The following ITGA9 variants were observed in gnomAD, a reference collection of about 807,000 sequenced individuals.
ITGA9 encodes integrin subunit alpha 9, also known as integrin alpha-9.
Under a neutral mutation model 127.8 loss-of-function variants are expected in ITGA9, and 56 were observed. That is an observed-to-expected ratio of 0.44 (90% CI 0.35 to 0.55). The LOEUF is 0.55. Among genes scored for constraint, ITGA9 ranks in the 20% least tolerant of loss-of-function variants. The pLI is 0.00. For synonymous variants in ITGA9, 508 were observed against 514.5 expected, an observed-to-expected ratio of 0.99 and a Z score of 0.17; for missense variants, 1,196 against 1,347.1, an observed-to-expected ratio of 0.89 and a Z score of 1.76.
At position 37,453,121 on chromosome 3, in the gene ITGA9, C is replaced by CGG. The variant is rs1559510371; in HGVS notation, c.185+562_185+563insGG. Among the ~76,000 whole-genome samples the CGG allele has an allele frequency of 8.5e-5, 12 of 141,160 alleles. 1 individual carries two copies. The highest frequency in any genetic ancestry group is 3.2e-4 in the African/African-American group (12 of 37,404). 92.6% of individuals were successfully genotyped at this position (141,160 alleles called of 152,430 possible). On this transcript the variant is annotated intron_variant, in intron 1 of 27. Coordinates refer to ENST00000264741, the MANE Select transcript of ITGA9 (RefSeq NM_002207.3). Reference sequence around the variant, plus strand: ...TGGAGCCCAGAGCCCCGGCGCCCCCCCCCCCCCCCAGCTCCTACAAGACCC... The same window carrying CGG: ...TGGAGCCCAGAGCCCCGGCGCCCCCCGGCCCCCCCCCAGCTCCTACAAGACCC...
At chr3:37,735,004 C>T (rs1696341856) in intron 19 of ITGA9, among the ~76,000 whole-genome samples, 1 of 152,228 alleles carries the variant, frequency 6.6e-6, no homozygotes, top group Non-Finnish European at 1.5e-5. Context: ...CCCGTATCCG[C>T]AGCCCAGCGT....
chr3:37,536,862 A>C (rs1227843072), intron 14 of ITGA9, among the ~76,000 whole-genome samples: 1 of 152,268 alleles, frequency 6.6e-6, no homozygotes, highest in Non-Finnish European at 1.5e-5. Context: ...TAAACAGGTC[A>C]TGGACGACCT....
chr3:37,802,679 C>T (rs1271548123), intron 26 of ITGA9, among the ~76,000 whole-genome samples: 2 of 152,164 alleles, frequency 1.3e-5, no homozygotes, highest in Non-Finnish European at 2.9e-5. Flanking sequence ...GGGGATAAAG[C>T]AGAGCCGAAG....
At chr3:37,656,818 G>A (rs905278143) in intron 17 of ITGA9, among the ~76,000 whole-genome samples, 1 of 146,950 alleles carries the variant, frequency 6.8e-6, no homozygotes, top group African/African-American at 2.6e-5. Flanking sequence ...TATGATATTG[G>A]CTGTGGGTTT....
chr3:37,602,747 G>A (rs982908047), intron 15 of ITGA9, among the ~76,000 whole-genome samples: 3 of 152,014 alleles, frequency 2.0e-5, no homozygotes, highest in East Asian at 1.9e-4. Context: ...TAGGTGTTTC[G>A]TATACATTAT....
intron 9 of ITGA9, among the ~76,000 whole-genome samples, chr3:37,516,029 G>C (rs1051955472): frequency 3.3e-5 from 5 of 152,196 alleles, no homozygotes; most frequent in African/African-American, 1.2e-4. Flanking sequence ...ATAAATGAGT[G>C]CTGTGGGCAT....
At position 37,452,937 on chromosome 3, in the gene ITGA9, G is replaced by C. The variant is rs1023011048; in HGVS notation, c.185+378G>C. On this transcript the variant is annotated intron_variant, in intron 1 of 27. Coordinates refer to ENST00000264741, the MANE Select transcript of ITGA9 (RefSeq NM_002207.3). The surrounding 1 kb of genome is among the most constrained non-coding windows in gnomAD (Gnocchi z 7.3). ...CGGGCGGCCGCCGCTGGCCCAGCGA[G>C]CCTCCTGAACCTCGCAGGGCCTGGA... is the stretch of plus-strand genomic sequence containing the variant. Among the ~76,000 whole-genome samples the C allele has an allele frequency of 2.0e-5, 3 of 152,212 alleles. No homozygotes were observed. The highest frequency in any genetic ancestry group is 2.9e-5 in the Non-Finnish European group (2 of 68,030).
chr3:37,693,796 G>A (rs1700856352), intron 18 of ITGA9, among the ~76,000 whole-genome samples: 1 of 152,200 alleles, frequency 6.6e-6, no homozygotes, highest in Non-Finnish European at 1.5e-5. Context: ...TCATCCCTCA[G>A]TGCTGGGACA....
intron 22 of ITGA9, chr3:37,748,196 C>T (rs760684236): frequency 3.5e-5 from 16 of 455,458 alleles, no homozygotes; most frequent in Admixed American, 9.8e-5. Context: ...TTTTTGGCCA[C>T]GTGTATGCAA....
chr3:37,578,585 G>T (rs1452675192), intron 15 of ITGA9, among the ~76,000 whole-genome samples: 1 of 152,182 alleles, frequency 6.6e-6, no homozygotes, highest in Non-Finnish European at 1.5e-5. Flanking sequence ...AGTCTTGCTT[G>T]CTTACATCTA....
At chr3:37,508,803 T>A (rs1456539426) in intron 8 of ITGA9, among the ~76,000 whole-genome samples, 176 bp downstream of exon 8, 3 of 152,172 alleles carry the variant, frequency 2.0e-5, no homozygotes, top group African/African-American at 7.2e-5. Flanking sequence ...TGTACATTCA[T>A]GGGATTCATA....
intron 23 of ITGA9, among the ~76,000 whole-genome samples, chr3:37,763,758 A>G (rs941469929): frequency 6.6e-6 from 1 of 152,218 alleles, no homozygotes; most frequent in Admixed American, 6.5e-5. Flanking sequence ...AATAACCCAA[A>G]ACAAAAATGA....
chr3:37,604,980 A>G (rs905367041), intron 15 of ITGA9, among the ~76,000 whole-genome samples: 2 of 152,238 alleles, frequency 1.3e-5, no homozygotes, highest in Non-Finnish European at 2.9e-5. Context: ...TGAAATAGAC[A>G]TGAGTACTCT....
intron 13 of ITGA9, among the ~76,000 whole-genome samples, chr3:37,532,034 C>T (rs1008069321): frequency 2.0e-5 from 3 of 152,108 alleles, no homozygotes; most frequent in African/African-American, 7.2e-5. Flanking sequence ...ATCACACTGG[C>T]CAGGGGTAAG....
At chr3:37,689,245 A>G (rs888762272) in intron 18 of ITGA9, among the ~76,000 whole-genome samples, 2 of 152,236 alleles carry the variant, frequency 1.3e-5, no homozygotes, top group Non-Finnish European at 2.9e-5. Flanking sequence ...CTAATGCAAA[A>G]CTACTTTCAT....
At chr3:37,594,901 C>T (rs538234259) in intron 15 of ITGA9, among the ~76,000 whole-genome samples, 17 of 152,228 alleles carry the variant, frequency 1.1e-4, no homozygotes, top group Non-Finnish European at 2.1e-4. Flanking sequence ...AGCAGTCCTC[C>T]TTCCTCAGCT....
intron 23 of ITGA9, chr3:37,753,872 C>G (rs1054247721): frequency 3.9e-5 from 6 of 152,206 alleles, no homozygotes; most frequent in Non-Finnish European, 8.8e-5. Context: ...GCAGTAGCTA[C>G]TGACCTCCCT....
At chr3:37,738,699 C>A (rs1696395728) in intron 20 of ITGA9, among the ~76,000 whole-genome samples, 1 of 152,190 alleles carries the variant, frequency 6.6e-6, no homozygotes. Flanking sequence ...CATTGTTGGG[C>A]AGACCCATCA....
chr3:37,686,950 C>T (rs752784269), intron 18 of ITGA9, among the ~76,000 whole-genome samples: 1 of 152,178 alleles, frequency 6.6e-6, no homozygotes, highest in African/African-American at 2.4e-5. Context: ...AGAGCCCCCC[C>T]AACCTGCTTA....
Sources: allele counts gnomAD v4.1 joint callset (sites outside exome capture counted in the v4.1 genomes callset), GRCh38; gene constraint gnomAD v4.1.1; non-coding constraint Gnocchi (gnomAD v3.1); transcripts MANE v1.5; gene names NCBI Gene and HGNC (gene_info 2026-07-23, HGNC 2026-07-21).